GRM1: variants seen among roughly 807,000 people sequenced by gnomAD.
GRM1 encodes the protein glutamate metabotropic receptor 1.
GRM1 carries 33 observed loss-of-function variants against 90.9 expected under a neutral mutation model. The ratio of observed to expected loss-of-function variants is 0.36; its 90% CI spans 0.28 to 0.49. The LOEUF (loss-of-function observed/expected upper bound fraction) is 0.49. Among genes scored for constraint, GRM1 ranks in the 20% least tolerant of loss-of-function variants. The probability of loss-of-function intolerance (pLI) is 0.99; values close to 1 mark genes in which losing one functional copy is unlikely to be tolerated. For synonymous variants in GRM1, 700 were observed against 613.2 expected, an observed-to-expected ratio of 1.14 and a Z score of -2.09; for missense variants, 1,190 against 1,534.3, an observed-to-expected ratio of 0.78 and a Z score of 3.75.
chr6:146,267,926 G>C (rs953524567), intron 2 of GRM1, among the ~76,000 whole-genome samples: 1 of 152,068 alleles, frequency 6.6e-6, no homozygotes, highest in African/African-American at 2.4e-5. Flanking sequence ...CAATCAAGTT[G>C]ACACTGAGTA....
chr6:146,218,576 A>G (rs537451962), intron 2 of GRM1, among the ~76,000 whole-genome samples: 1 of 152,346 alleles, frequency 6.6e-6, no homozygotes, highest in East Asian at 1.9e-4. Flanking sequence ...ATCAAAAAAG[A>G]GACATAAATA....
chr6:146,330,605 C>A (rs896733187), intron 3 of GRM1, among the ~76,000 whole-genome samples: 1 of 152,232 alleles, frequency 6.6e-6, no homozygotes, highest in South Asian at 2.1e-4. Flanking sequence ...CTTCCCTTAT[C>A]TTCTCTTAAT....
At chr6:146,130,550 T>G (rs1269911820) in intron 1 of GRM1, among the ~76,000 whole-genome samples, 2 of 152,274 alleles carry the variant, frequency 1.3e-5, no homozygotes, top group Admixed American at 6.5e-5. Context: ...AAGAAAACTT[T>G]ATGATATGCT....
chr6:146,045,225 A>ATATTTATC (rs1791282123), intron 1 of GRM1, among the ~76,000 whole-genome samples: 1 of 152,030 alleles, frequency 6.6e-6, no homozygotes, highest in Non-Finnish European at 1.5e-5. Flanking sequence ...TATAGAAAAG[A>ATATTTATC]TATTTATCTA....
rs182048452 is a variant in GRM1 at position 146,202,842 on chromosome 6, C to T, written c.950+43245C>T. ...TAAAAATTAGTCGAAGGCTCTACCT[C>T]AGTGATTCTGTCTGATAGCATTTTA... On this transcript the variant is annotated intron_variant, in intron 2 of 7. Coordinates refer to ENST00000282753, the MANE Select transcript of GRM1 (RefSeq NM_001278064.2). Among the ~76,000 whole-genome samples, 426 of 152,284 alleles carry T rather than the reference C, an allele frequency of 2.8e-3. 3 individuals carry two copies. The highest frequency in any genetic ancestry group is 9.5e-3 in the African/African-American group (393 of 41,544).
At chr6:146,413,054 A>G (rs1583463791) in intron 7 of GRM1, among the ~76,000 whole-genome samples, 1 of 152,152 alleles carries the variant, frequency 6.6e-6, no homozygotes, top group Admixed American at 6.5e-5. Flanking sequence ...GTTCTAGAGT[A>G]GATTTCTCAG....
chr6:146,295,756 A>C (rs1783154824), intron 2 of GRM1, among the ~76,000 whole-genome samples: 1 of 152,076 alleles, frequency 6.6e-6, no homozygotes, highest in African/African-American at 2.4e-5. Flanking sequence ...TTTAGGTTCG[A>C]GGGTCATGGG....
In GRM1 at chr6:146,225,255, G is replaced by A. The variant is rs555077756; in HGVS notation, c.950+65658G>A. On this transcript the variant is annotated intron_variant, in intron 2 of 7. Transcript: ENST00000282753. ...AGCTTTTTACCTATGAGATGTCTCA[G>A]ATATGGTAGCTAAAAAGATTAAGGA... 1.2e-4 allele frequency among the ~76,000 whole-genome samples: 18 copies of A among 152,218 alleles called. No homozygotes were observed. The South Asian group carries it at 2.9e-3, about 25-fold the overall frequency.
intron 7 of GRM1, among the ~76,000 whole-genome samples, chr6:146,433,086 C>T (rs1778471574): frequency 6.6e-6 from 1 of 152,174 alleles, no homozygotes; most frequent in African/African-American, 2.4e-5. Flanking sequence ...TTTTTCCTGG[C>T]TTCCTCATTC....
chr6:146,196,308 G>A (rs1288018880), intron 2 of GRM1, among the ~76,000 whole-genome samples: 2 of 84,774 alleles, frequency 2.4e-5, no homozygotes, highest in African/African-American at 1.8e-4. Flanking sequence ...TTTTTTTTTT[G>A]ACGGAGTCGC....
At chr6:146,307,420 A>T (rs551719014) in intron 3 of GRM1, among the ~76,000 whole-genome samples, 1 of 152,296 alleles carries the variant, frequency 6.6e-6, no homozygotes, top group Non-Finnish European at 1.5e-5. Flanking sequence ...AAATTCTTAT[A>T]CTTTTATCTT....
At chr6:146,285,560 T>C (rs1782731934) in intron 2 of GRM1, among the ~76,000 whole-genome samples, 1 of 152,222 alleles carries the variant, frequency 6.6e-6, no homozygotes, top group Non-Finnish European at 1.5e-5. Context: ...CAACCTTTCA[T>C]TAGATTCATA....
chr6:146,332,090 G>A (rs1165451146), intron 3 of GRM1, among the ~76,000 whole-genome samples: 1 of 152,152 alleles, frequency 6.6e-6, no homozygotes, highest in African/African-American at 2.4e-5. Context: ...TTCATGAAAT[G>A]TGAAAACCCA....
chr6:146,321,442 C>T (rs1226425534), intron 3 of GRM1, among the ~76,000 whole-genome samples: 1 of 152,158 alleles, frequency 6.6e-6, no homozygotes, highest in Non-Finnish European at 1.5e-5. Flanking sequence ...AATGTATATT[C>T]TGTTGATTTG....
At chr6:146,111,870 ATAGT>A (rs1249849104) in intron 1 of GRM1, among the ~76,000 whole-genome samples, 1 of 152,234 alleles carries the variant, frequency 6.6e-6, no homozygotes, top group Non-Finnish European at 1.5e-5. Context: ...ACAATGCTTG[ATAGT>A]TAACACTTTA....
chr6:146,277,883 C>T (rs7772298), intron 2 of GRM1, among the ~76,000 whole-genome samples: 1 of 152,060 alleles, frequency 6.6e-6, no homozygotes, highest in East Asian at 1.9e-4. Context: ...AATATCACTT[C>T]AGAAAGCTTT....
chr6:146,070,985 A>G (rs1444637250), intron 1 of GRM1, among the ~76,000 whole-genome samples: 1 of 152,186 alleles, frequency 6.6e-6, no homozygotes, highest in African/African-American at 2.4e-5. Flanking sequence ...CTAAGAAACT[A>G]TCGAAATAAT....
At chr6:146,248,882 T>A (rs1450377688) in intron 2 of GRM1, among the ~76,000 whole-genome samples, 1 of 152,186 alleles carries the variant, frequency 6.6e-6, no homozygotes, top group African/African-American at 2.4e-5. Context: ...GAGGAACTTA[T>A]TGGGAACTAG....
intron 1 of GRM1, among the ~76,000 whole-genome samples, chr6:146,085,767 A>G (rs896393679): frequency 6.6e-6 from 1 of 152,076 alleles, no homozygotes; most frequent in South Asian, 2.1e-4. Flanking sequence ...GTGTACTGGC[A>G]TTTTTCTTTA....
Sources: allele counts gnomAD v4.1 joint callset (sites outside exome capture counted in the v4.1 genomes callset), GRCh38; gene constraint gnomAD v4.1.1; transcripts MANE v1.5; gene names NCBI Gene and HGNC (gene_info 2026-07-23, HGNC 2026-07-21).